Variants in MDGA2 observed in about 807,000 individuals in gnomAD.
MDGA2 encodes the protein MAM domain-containing glycosylphosphatidylinositol anchor protein 2.
MDGA2 carries 40 observed loss-of-function variants against 117.8 expected under a neutral mutation model. The ratio of observed to expected loss-of-function variants is 0.34; its 90% confidence interval spans 0.26 to 0.44. The LOEUF is 0.44. MDGA2 is among the 20% of genes least tolerant of loss of function. The probability of loss-of-function intolerance (pLI) is 1.00; values close to 1 mark genes in which losing one functional copy is unlikely to be tolerated. For missense variants in MDGA2, 1,123 were observed against 1,250.6 expected, an observed-to-expected ratio of 0.90 and a Z score of 1.54; for synonymous variants, 452 against 439.0, an observed-to-expected ratio of 1.03 and a Z score of -0.37.
In MDGA2 at chr14:47,177,654, A is replaced by G. The variant is rs1165967623; in HGVS notation, c.596-33380T>C. Among the ~76,000 whole-genome samples, 5 of 152,210 alleles carry G rather than the reference A, an allele frequency of 3.3e-5. No individual in the cohort carries two copies. In the East Asian group the frequency reaches 7.7e-4, roughly 24 times the overall value. Reference sequence around the variant, plus strand: ...ATCACACTCTGGGGACTGTTGTGGCATGAGGGCAGTGGGGAGGGATAGCAG... The same window carrying G: ...ATCACACTCTGGGGACTGTTGTGGCGTGAGGGCAGTGGGGAGGGATAGCAG... On this transcript the variant is annotated intron_variant, in intron 3 of 16. Transcript: ENST00000399232.
In MDGA2 at chr14:47,139,849, T is replaced by C. The variant is rs569350841; in HGVS notation, c.792+4229A>G. On this transcript the variant is annotated intron_variant, in intron 4 of 16. Coordinates refer to ENST00000399232, the MANE Select transcript of MDGA2 (RefSeq NM_001113498.3). Reference sequence around the variant, plus strand: ...ATATACACATATATATATACACACATATATATACACATATATATATATACA... The same window carrying C: ...ATATACACATATATATATACACACACATATATACACATATATATATATACA... Among the ~76,000 whole-genome samples, 43 of 139,788 alleles carry C rather than the reference T, an allele frequency of 3.1e-4. 1 individual carries two copies. Among genetic ancestry groups the C allele is most frequent in the African/African-American group, 1.0e-3 (38 of 36,816 alleles). 91.7% of individuals were successfully genotyped at this position (139,788 alleles called of 152,430 possible). A position where few individuals can be genotyped will look rare whatever the true frequency, so the allele number is the denominator to read the frequency against.
At chr14:47,203,678 G>T (rs1885586741) in intron 3 of MDGA2, among the ~76,000 whole-genome samples, 1 of 151,964 alleles carries the variant, frequency 6.6e-6, no homozygotes, top group African/African-American at 2.4e-5. Context: ...AGAAGGCTTT[G>T]TGAACCAGGG....
intron 2 of MDGA2, among the ~76,000 whole-genome samples, chr14:47,282,268 T>G (rs1038590887): frequency 2.0e-5 from 3 of 152,160 alleles, no homozygotes; most frequent in Non-Finnish European, 2.9e-5. Flanking sequence ...ACTGATATAT[T>G]TGACATTAAT....
intron 14 of MDGA2, among the ~76,000 whole-genome samples, chr14:46,870,667 G>C (rs1214341945): frequency 2.0e-5 from 3 of 151,844 alleles, no homozygotes; most frequent in Non-Finnish European, 2.9e-5. Flanking sequence ...AAATGACATA[G>C]GGGTCAAAAT....
At chr14:47,600,033 A>C (rs1896617190) in intron 1 of MDGA2, among the ~76,000 whole-genome samples, 1 of 152,140 alleles carries the variant, frequency 6.6e-6, no homozygotes, top group Non-Finnish European at 1.5e-5. Context: ...TCAAATTTTC[A>C]AGGAAATGTG....
At chr14:47,094,212 C>A (rs1294993306) in intron 6 of MDGA2, among the ~76,000 whole-genome samples, 1 of 151,808 alleles carries the variant, frequency 6.6e-6, no homozygotes, top group Non-Finnish European at 1.5e-5. Context: ...ATGTGAATGC[C>A]ACTGCTGAGA....
At chr14:47,642,125 CTTTA>C (rs1247119281) in intron 1 of MDGA2, among the ~76,000 whole-genome samples, 2 of 152,042 alleles carry the variant, frequency 1.3e-5, no homozygotes, top group African/African-American at 4.8e-5. Context: ...ATGTGAACTA[CTTTA>C]TTTATGAATA....
At chr14:47,507,590 G>A (rs754660757) in intron 1 of MDGA2, among the ~76,000 whole-genome samples, 15 of 152,184 alleles carry the variant, frequency 9.9e-5, no homozygotes, top group Non-Finnish European at 2.2e-4. Flanking sequence ...ATAACATGTT[G>A]GCTATAAATT....
At chr14:47,467,457 C>A (rs1204502113) in intron 1 of MDGA2, among the ~76,000 whole-genome samples, 1 of 152,100 alleles carries the variant, frequency 6.6e-6, no homozygotes, top group African/African-American at 2.4e-5. Context: ...GAGACTGTCA[C>A]CTTTCACCCT....
At chr14:47,076,534 G>A (rs1298305667) in intron 6 of MDGA2, among the ~76,000 whole-genome samples, 1 of 143,192 alleles carries the variant, frequency 7.0e-6, no homozygotes. Flanking sequence ...ATGTGTATGA[G>A]TGTGTGTTAT....
chr14:47,017,974 A>C (rs911403414), intron 8 of MDGA2, among the ~76,000 whole-genome samples: 3 of 152,084 alleles, frequency 2.0e-5, no homozygotes, highest in Admixed American at 2.0e-4. Context: ...TTCCCAGTGC[A>C]TTCTGCCTGT....
At chr14:47,471,957 G>A (rs914234630) in intron 1 of MDGA2, among the ~76,000 whole-genome samples, 49 of 152,198 alleles carry the variant, frequency 3.2e-4, no homozygotes, top group African/African-American at 9.9e-4. Flanking sequence ...AGGGAATACT[G>A]GATAAAATGC....
intron 1 of MDGA2, among the ~76,000 whole-genome samples, chr14:47,415,324 T>C (rs1258943908): frequency 6.6e-6 from 1 of 152,132 alleles, no homozygotes; most frequent in Admixed American, 6.5e-5. Flanking sequence ...ACTTTAATCA[T>C]CCTATCTTGT....
chr14:47,046,231 T>C (rs1384379776), intron 7 of MDGA2, among the ~76,000 whole-genome samples: 1 of 152,064 alleles, frequency 6.6e-6, no homozygotes, highest in African/African-American at 2.4e-5. Context: ...GAGATATTCA[T>C]TTACTAAGAA....
chr14:47,222,937 C>T (rs899584818), intron 2 of MDGA2, among the ~76,000 whole-genome samples: 10 of 152,186 alleles, frequency 6.6e-5, no homozygotes, highest in Non-Finnish European at 1.3e-4. Context: ...TTCACGCTGC[C>T]TGTAAAGACA....
intron 1 of MDGA2, among the ~76,000 whole-genome samples, chr14:47,537,986 A>T (rs1895258479): frequency 6.6e-6 from 1 of 152,212 alleles, no homozygotes; most frequent in South Asian, 2.1e-4. Context: ...ATGATAAGGA[A>T]AAATACTGCT....
intron 1 of MDGA2, among the ~76,000 whole-genome samples, chr14:47,610,243 C>G (rs1238935825): frequency 6.6e-6 from 1 of 152,082 alleles, no homozygotes; most frequent in African/African-American, 2.4e-5. Context: ...AAAGCATTCC[C>G]TCTGAGAACT....
chr14:47,286,138 G>A (rs1297737733), intron 2 of MDGA2, among the ~76,000 whole-genome samples: 3 of 151,962 alleles, frequency 2.0e-5, no homozygotes, highest in African/African-American at 4.8e-5. Flanking sequence ...GAGTACATGT[G>A]ATGTTTTGAT....
At chr14:47,548,939 AT>A (rs977624694) in intron 1 of MDGA2, among the ~76,000 whole-genome samples, 8 of 151,964 alleles carry the variant, frequency 5.3e-5, no homozygotes, top group Non-Finnish European at 8.8e-5. Context: ...GAGGTTATTT[AT>A]TTTTTTTCAA....
Sources: gnomAD v4.1 joint callset for allele counts (sites outside exome capture counted in the v4.1 genomes callset) on GRCh38, gnomAD v4.1.1 for gene constraint, MANE v1.5 for transcripts, NCBI Gene and HGNC (gene_info 2026-07-23, HGNC 2026-07-21) for gene names.